Variants in SPIRE1 observed in about 807,000 individuals in gnomAD.
SPIRE1 encodes the protein spire type actin nucleation factor 1, also known as protein spire homolog 1.
In SPIRE1, 40 loss-of-function variants were observed where a neutral mutation model predicts 94.1. The ratio of observed to expected loss-of-function variants is 0.43; its 90% confidence interval spans 0.33 to 0.55. SPIRE1 has a LOEUF of 0.55. Ranked by LOEUF, SPIRE1 falls within the 20% of genes least tolerant of loss-of-function variation. The pLI is 0.06. For missense variants in SPIRE1, 838 were observed against 975.2 expected (o/e 0.86, Z 1.87); for synonymous variants, 376 against 371.7 (o/e 1.01, Z -0.13).
chr18:12,568,889 GTGATCCAGCC>G (rs2035882644), intron 2 of SPIRE1, among the ~76,000 whole-genome samples: 1 of 92,410 alleles, frequency 1.1e-5, no homozygotes. Context: ...GTGATCCAGC[GTGATCCAGCC>G]TGAACAGCTC....
intron 2 of SPIRE1, among the ~76,000 whole-genome samples, chr18:12,593,177 G>A (rs2036580540): frequency 6.6e-6 from 1 of 152,188 alleles, no homozygotes; most frequent in Non-Finnish European, 1.5e-5. Context: ...TTGCTTAAGA[G>A]AGGCTTAAAA....
At chr18:12,635,877 G>GT (rs1235472814) in intron 1 of SPIRE1, among the ~76,000 whole-genome samples, 3 of 150,996 alleles carry the variant, frequency 2.0e-5, no homozygotes, top group Non-Finnish European at 4.4e-5. Flanking sequence ...AGAAAATTGG[G>GT]TTTTTTTGGT....
intron 2 of SPIRE1, among the ~76,000 whole-genome samples, chr18:12,558,500 G>A (rs887284857): frequency 6.6e-6 from 1 of 152,166 alleles, no homozygotes; most frequent in African/African-American, 2.4e-5. Flanking sequence ...TGCTGTCTTG[G>A]GCAGCCTGCT....
At chr18:12,557,602 G>A (rs1387375592) in intron 2 of SPIRE1, among the ~76,000 whole-genome samples, 2 of 152,194 alleles carry the variant, frequency 1.3e-5, no homozygotes, top group Admixed American at 1.3e-4. Flanking sequence ...ACAGTGCAGT[G>A]GCAGGCTGAA....
At chr18:12,533,097 G>A (rs147656618) in intron 4 of SPIRE1, among the ~76,000 whole-genome samples, 1 of 152,332 alleles carries the variant, frequency 6.6e-6, no homozygotes, top group African/African-American at 2.4e-5. Context: ...GCAGTTTCCA[G>A]AGAAGACTGG....
At chr18:12,616,581 T>C (rs1315029257) in intron 2 of SPIRE1, among the ~76,000 whole-genome samples, 1 of 152,270 alleles carries the variant, frequency 6.6e-6, no homozygotes, top group Admixed American at 6.5e-5. Flanking sequence ...TTACAACCTA[T>C]AAAATGGATC....
At position 12,552,252 on chromosome 18, in the gene SPIRE1, A is replaced by T. The variant is rs111955708; in HGVS notation, c.373-5348T>A. 9.5e-3 allele frequency among the ~76,000 whole-genome samples: 1,452 copies of T among 152,332 alleles called. 27 individuals are homozygous for T. Among genetic ancestry groups the T allele is most frequent in the African/African-American group, 0.033 (1,375 of 41,574 alleles). On this transcript the variant is annotated intron_variant, in intron 2 of 16. Coordinates refer to ENST00000409402, the MANE Select transcript of SPIRE1 (RefSeq NM_001128626.2). ...CAACTCCTGGCAAGTCCTGGTGCTG[A>T]GCTGGGCTCAGAGCCAGTGGACTTG...
intron 2 of SPIRE1, among the ~76,000 whole-genome samples, chr18:12,565,486 T>A (rs752454778): frequency 2.6e-5 from 4 of 152,056 alleles, no homozygotes; most frequent in Non-Finnish European, 5.9e-5. Context: ...ACGATTCTTC[T>A]GCCTTAGCCT....
intron 4 of SPIRE1, among the ~76,000 whole-genome samples, chr18:12,519,384 T>C (rs1025780985): frequency 1.3e-5 from 2 of 151,902 alleles, no homozygotes; most frequent in African/African-American, 4.8e-5. Context: ...ACACTCTCTC[T>C]CTAACAAATG....
chr18:12,449,948 C>T, intron 16 of SPIRE1, 52 bp from the exon 17 acceptor site: 1 of 1,548,682 alleles, frequency 6.5e-7, no homozygotes, highest in Non-Finnish European at 8.7e-7. Context: ...AGGTCTGCTG[C>T]AATATTAAGA....
chr18:12,479,767 C>T lies in SPIRE1; in HGVS notation c.1336G>A (p.Val446Met). The part of the protein sequence containing the change: ...KENGLSTSQQ[V>M]PAQRKKLLRA... ...AGGAGCTTCTTCCGCTGTGCAGGCA[C>T]CTGCTGTGAGGTACTTAACCCGTTT... Residue 446 changes from valine (V) to methionine (M), a missense_variant, in exon 10 of 17, where the codon GTG becomes ATG. Transcript: ENST00000409402. 1.2e-6 allele frequency: 2 copies of T among 1,614,124 alleles called. No individual in the cohort carries two copies. The highest frequency in any genetic ancestry group is 1.7e-6 in the Non-Finnish European group (2 of 1,180,000).
At chr18:12,526,123 T>C (rs907241108) in intron 4 of SPIRE1, among the ~76,000 whole-genome samples, 1 of 124,250 alleles carries the variant, frequency 8.0e-6, no homozygotes, top group African/African-American at 3.1e-5. Context: ...CAGAAAGCCA[T>C]TCAGAGCATG....
chr18:12,559,519 C>A lies in SPIRE1; in HGVS notation c.373-12615G>T, dbSNP rs1257370969. On this transcript the variant is annotated intron_variant, in intron 2 of 16. Transcript: ENST00000409402. This position sits in a 1 kb window ranked among gnomAD's most constrained non-coding sequence, Gnocchi z 4.7. ...GGAGCCGGCTCCGGCTTTGGCCAGC[C>A]CAGAGAGGGGCTCCCACGGTGCAGC... 2.0e-5 allele frequency among the ~76,000 whole-genome samples: 3 copies of A among 152,182 alleles called. No individual in the cohort carries two copies. The highest frequency in any genetic ancestry group is 6.5e-5 in the Admixed American group (1 of 15,278).
chr18:12,525,904 T>G (rs946667651), intron 4 of SPIRE1, among the ~76,000 whole-genome samples: 1 of 152,130 alleles, frequency 6.6e-6, no homozygotes, highest in Admixed American at 6.5e-5. Context: ...GATGCCTTGC[T>G]CATTAGGGGT....
chr18:12,617,729 T>C (rs966460297), intron 2 of SPIRE1, among the ~76,000 whole-genome samples: 7 of 152,088 alleles, frequency 4.6e-5, no homozygotes, highest in Non-Finnish European at 8.8e-5. Context: ...ATTTATTTTA[T>C]ACTTTTAGTA....
chr18:12,632,009 C>A (rs1468056168), intron 2 of SPIRE1, among the ~76,000 whole-genome samples: 1 of 151,364 alleles, frequency 6.6e-6, no homozygotes, highest in East Asian at 1.9e-4. Context: ...CATGGCACTG[C>A]ACTCCAGCCT....
intron 1 of SPIRE1, among the ~76,000 whole-genome samples, chr18:12,646,135 C>A (rs1189510916): frequency 6.6e-6 from 1 of 152,120 alleles, no homozygotes; most frequent in East Asian, 1.9e-4. Context: ...CTGCTGCTCT[C>A]TGAGTACCAT....
At chr18:12,634,991 T>G (rs1047244353) in intron 2 of SPIRE1, 71 bp downstream of exon 2, 16 of 802,072 alleles carry the variant, frequency 2.0e-5, no homozygotes, top group Non-Finnish European at 2.9e-5. Flanking sequence ...GTGAGATAGT[T>G]CAGTACTCAA....
chr18:12,522,952 A>C (rs1160893430), intron 4 of SPIRE1, among the ~76,000 whole-genome samples: 4 of 152,228 alleles, frequency 2.6e-5, no homozygotes, highest in Admixed American at 2.0e-4. Context: ...AATAATTTTT[A>C]CTTGCAAGTC....
Sources: gnomAD v4.1 joint callset for allele counts (sites outside exome capture counted in the v4.1 genomes callset) on GRCh38, gnomAD v4.1.1 for gene constraint, Gnocchi (gnomAD v3.1) non-coding constraint, MANE v1.5 for transcripts, NCBI Gene and HGNC (gene_info 2026-07-23, HGNC 2026-07-21) for gene names.